The following NEDD9 variants were observed in gnomAD, a reference collection of about 807,000 sequenced individuals.
The protein encoded by NEDD9 is neural precursor cell expressed, developmentally down-regulated 9.
NEDD9 carries 26 observed loss-of-function variants against 76.6 expected under a neutral mutation model. The observed-to-expected ratio is 0.34, with a 90% CI of 0.25 to 0.47. NEDD9 has a LOEUF of 0.47. Ranked by LOEUF, NEDD9 falls within the 20% of genes least tolerant of loss-of-function variation. NEDD9 has a pLI of 1.00. For synonymous variants in NEDD9, 392 were observed against 414.2 expected, an observed-to-expected ratio of 0.95 and a Z score of 0.65; for missense variants, 937 against 1,058.5, an observed-to-expected ratio of 0.89 and a Z score of 1.59.
chr6:11,311,838 C>T (rs1427272928), intron 2 of NEDD9, among the ~76,000 whole-genome samples: 1 of 152,186 alleles, frequency 6.6e-6, no homozygotes, highest in Non-Finnish European at 1.5e-5. Context: ...TTCTCTCCCT[C>T]ACCAACCGGG....
Position 11,188,947 on chromosome 6 carries a change from ATTT to A in NEDD9, c.1906-643_1906-641del, listed in dbSNP as rs34060597. Among the ~76,000 whole-genome samples, 1,417 of 146,008 alleles carry A rather than the reference ATTT, an allele frequency of 9.7e-3. 12 individuals are homozygous for A. The highest frequency in any genetic ancestry group is 0.025 in the South Asian group (115 of 4,618). On this transcript the variant is annotated intron_variant, in intron 5 of 6. Transcript: ENST00000379446. ...AGTCCTAAACAATGGATCTTGGTAGATTTTTTTTTTTTTTTCTGAGACAGAGTC... is the reference window on the plus strand; with the variant it reads ...AGTCCTAAACAATGGATCTTGGTAGATTTTTTTTTTTTCTGAGACAGAGTC...
intron 2 of NEDD9, among the ~76,000 whole-genome samples, chr6:11,332,924 C>T (rs1241717434): frequency 6.6e-6 from 1 of 152,096 alleles, no homozygotes; most frequent in Non-Finnish European, 1.5e-5. Context: ...GGTTAATAGT[C>T]CCCCTTATGT....
intron 1 of NEDD9, chr6:11,214,135 T>G: frequency 2.0e-6 from 1 of 504,526 alleles, no homozygotes; most frequent in Non-Finnish European, 3.9e-6. Context: ...CTCAATATTG[T>G]TCTATATTGG....
chr6:11,375,920 G>T (rs542426763), intron 1 of NEDD9, among the ~76,000 whole-genome samples: 109 of 152,262 alleles, frequency 7.2e-4, no homozygotes, highest in African/African-American at 2.6e-3. Context: ...CGCCTCCCGG[G>T]TTCATGCCAT....
At chr6:11,292,534 G>A (rs551571186) in intron 3 of NEDD9, among the ~76,000 whole-genome samples, 31 of 152,230 alleles carry the variant, frequency 2.0e-4, no homozygotes, top group Admixed American at 1.4e-3. Context: ...AGGACACTTC[G>A]TCTTTGAATA....
intron 2 of NEDD9, among the ~76,000 whole-genome samples, chr6:11,330,924 G>A (rs1465810295): frequency 6.6e-6 from 1 of 152,122 alleles, no homozygotes; most frequent in Non-Finnish European, 1.5e-5. Flanking sequence ...TGTTTTCTCC[G>A]TAATCCGTTG....
At position 11,370,333 on chromosome 6, in the gene NEDD9, T is replaced by C. The variant is rs905004468; in HGVS notation, c.-214+11806A>G. On this transcript the variant is annotated intron_variant, in intron 1 of 3. Transcript: ENST00000397378. The surrounding 1 kb of genome is among the most constrained non-coding windows in gnomAD (Gnocchi z 4.2). ...CCATTCTTTGCTCTGCTATGTAGAG[T>C]AGAGCTTTGTTTTTCAATCAGGCTG... is the stretch of plus-strand genomic sequence containing the variant. 1.3e-5 allele frequency among the ~76,000 whole-genome samples: 2 copies of C among 151,978 alleles called. No homozygotes were observed. Among genetic ancestry groups the C allele is most frequent in the Non-Finnish European group, 2.9e-5 (2 of 68,000 alleles).
At chr6:11,305,286 T>A (rs752795986) in intron 3 of NEDD9, 1 of 478,180 alleles carries the variant, frequency 2.1e-6, no homozygotes, top group Non-Finnish European at 3.4e-6. Context: ...TGTCACCATT[T>A]TATAAACACA....
At chr6:11,366,403 AAG>A (rs1762770409) in intron 1 of NEDD9, among the ~76,000 whole-genome samples, 1 of 118,302 alleles carries the variant, frequency 8.5e-6, no homozygotes, top group Non-Finnish European at 1.9e-5. Context: ...AGAGAAATAA[AAG>A]AAGAAAGAAA....
chr6:11,333,773 T>C (rs957005504), intron 2 of NEDD9, among the ~76,000 whole-genome samples: 3 of 152,230 alleles, frequency 2.0e-5, no homozygotes, highest in African/African-American at 7.2e-5. Flanking sequence ...TGCAGGCCAT[T>C]TTATCCACTT....
intron 2 of NEDD9, among the ~76,000 whole-genome samples, chr6:11,195,037 CT>C (rs1379567702): frequency 3.3e-5 from 5 of 152,164 alleles, no homozygotes; most frequent in Non-Finnish European, 1.5e-5. Flanking sequence ...AAACCGTCAA[CT>C]TTTATCCTTT....
At position 11,378,595 on chromosome 6, in the gene NEDD9, A is replaced by G. The variant is rs1417080892; in HGVS notation, c.-214+3544T>C. Among the ~76,000 whole-genome samples, 8 of 152,252 alleles carry G rather than the reference A, an allele frequency of 5.3e-5. No individual in the cohort carries two copies. The East Asian group carries it at 9.6e-4, about 18-fold the overall frequency. On this transcript the variant is annotated intron_variant, in intron 1 of 3. Coordinates refer to the NEDD9 transcript ENST00000397378. ...GATGTGTATTTATGTTTTTATTCCT[A>G]TGATTATTTAGAATATATGGATACC...
At position 11,189,896 on chromosome 6, in the gene NEDD9, A is replaced by G. The variant is rs576877399; in HGVS notation, c.1905+68T>C. ...TTTGGCAGTCCAACCCGACATCCTT[A>G]TAGGCATCTTTCTCAGGCTCCCTGC... On this transcript the variant is annotated intron_variant, in intron 5 of 6. Coordinates refer to ENST00000379446, the MANE Select transcript of NEDD9 (RefSeq NM_006403.4). 5.3e-5 allele frequency: 78 copies of G among 1,485,306 alleles called. No homozygotes were observed. In the African/African-American group the frequency reaches 9.5e-4, roughly 18 times the overall value. 92.0% of individuals were successfully genotyped at this position (1,485,306 alleles called of 1,614,324 possible).
intron 3 of NEDD9, among the ~76,000 whole-genome samples, chr6:11,255,116 A>G (rs1216124490): frequency 1.3e-5 from 2 of 152,206 alleles, no homozygotes; most frequent in African/African-American, 2.4e-5. Context: ...TGTGAGGAGT[A>G]GGAGATGAGA....
intron 3 of NEDD9, among the ~76,000 whole-genome samples, chr6:11,257,808 T>TGTGTGTGTGTGTGTGC (rs2113318036): frequency 6.6e-6 from 1 of 152,004 alleles, no homozygotes; most frequent in African/African-American, 2.4e-5. Flanking sequence ...TGTGTGTGTG[T>TGTGTGTGTGTGTGTGC]GTGCAGTACG....
At chr6:11,379,556 G>A (rs1251590703) in intron 1 of NEDD9, among the ~76,000 whole-genome samples, 2 of 152,096 alleles carry the variant, frequency 1.3e-5, no homozygotes, top group African/African-American at 4.8e-5. Context: ...TCTAGCCTGG[G>A]TGACAGAGTG....
At chr6:11,271,046 T>G (rs1050250837) in intron 3 of NEDD9, among the ~76,000 whole-genome samples, 1 of 152,208 alleles carries the variant, frequency 6.6e-6, no homozygotes, top group Non-Finnish European at 1.5e-5. Context: ...TTTATTTACT[T>G]TTTTTGAGAC....
intron 3 of NEDD9, among the ~76,000 whole-genome samples, chr6:11,299,451 C>T (rs1760984375): frequency 6.6e-6 from 1 of 152,224 alleles, no homozygotes; most frequent in Non-Finnish European, 1.5e-5. Flanking sequence ...AGGCAGCAGA[C>T]AGCTTCTGCA....
chr6:11,219,988 A>G (rs1337343746), intron 1 of NEDD9, among the ~76,000 whole-genome samples: 3 of 152,218 alleles, frequency 2.0e-5, no homozygotes, highest in Admixed American at 6.5e-5. Context: ...ACAGGCATGA[A>G]GCTTTCAATA....
Sources: allele counts gnomAD v4.1 joint callset (sites outside exome capture counted in the v4.1 genomes callset), GRCh38; gene constraint gnomAD v4.1.1; non-coding constraint Gnocchi (gnomAD v3.1); transcripts MANE v1.5; gene names NCBI Gene and HGNC (gene_info 2026-07-23, HGNC 2026-07-21).